The following IMMP2L variants were observed in gnomAD, a reference collection of about 807,000 sequenced individuals.
IMMP2L encodes the protein mitochondrial inner membrane protease subunit 2.
In IMMP2L, 18 loss-of-function variants were observed where a neutral mutation model predicts 19.3. That is an observed-to-expected ratio of 0.93 (90% CI 0.64 to 1.38). The LOEUF is 1.38. Ranked by LOEUF, IMMP2L falls within the 40% of genes most tolerant of loss-of-function variation. The probability of loss-of-function intolerance (pLI) is 0.00; values close to 1 mark genes in which losing one functional copy is unlikely to be tolerated. For synonymous variants in IMMP2L, 76 were observed against 73.0 expected (o/e 1.04, Z -0.21); for missense variants, 233 against 218.2 (o/e 1.07, Z -0.43).
rs764529178 is a variant in IMMP2L at position 111,367,478 on chromosome 7, G to GT, written c.239+119759_239+119760insA. Among the ~76,000 whole-genome samples, 76 of 135,504 alleles carry GT rather than the reference G, an allele frequency of 5.6e-4. 1 individual carries two copies. The highest frequency in any genetic ancestry group is 8.0e-4 in the Non-Finnish European group (52 of 64,986). The allele number at this position is 135,504 out of a possible 152,430, so 88.9% of individuals were successfully genotyped here. ...AGTACTTGTTTCTCTCAGCAAAAAG[G>GT]CTTTTTTTTTTTAACACAACATGTA... On this transcript the variant is annotated intron_variant, in intron 3 of 5. Transcript: ENST00000405709.
chr7:110,977,113 G>A (rs1820774000), intron 3 of IMMP2L, among the ~76,000 whole-genome samples: 1 of 151,834 alleles, frequency 6.6e-6, no homozygotes, highest in Non-Finnish European at 1.5e-5. Flanking sequence ...TGGTGTTAGG[G>A]TACAGAAGAA....
chr7:111,254,823 G>A (rs1412320825), intron 3 of IMMP2L, among the ~76,000 whole-genome samples: 1 of 151,976 alleles, frequency 6.6e-6, no homozygotes, highest in Non-Finnish European at 1.5e-5. Flanking sequence ...TGAAAACAAA[G>A]CCACATATAA....
chr7:110,819,020 T>G (rs2131321081), intron 5 of IMMP2L, among the ~76,000 whole-genome samples: 1 of 150,966 alleles, frequency 6.6e-6, no homozygotes, highest in Non-Finnish European at 1.5e-5. Context: ...AATGACGACT[T>G]AATATGTGCA....
At chr7:111,088,387 T>G (rs1163306688) in intron 3 of IMMP2L, among the ~76,000 whole-genome samples, 1 of 152,172 alleles carries the variant, frequency 6.6e-6, no homozygotes, top group East Asian at 1.9e-4. Flanking sequence ...TACAACCATG[T>G]AATACTGTGG....
At chr7:110,908,453 T>A (rs2129548078) in intron 4 of IMMP2L, among the ~76,000 whole-genome samples, 1 of 152,304 alleles carries the variant, frequency 6.6e-6, no homozygotes, top group Middle Eastern at 3.4e-3. Flanking sequence ...AGGCTCCCTG[T>A]ATTGAAATGA....
intron 3 of IMMP2L, among the ~76,000 whole-genome samples, chr7:111,175,842 C>A (rs1049174599): frequency 1.3e-5 from 2 of 151,798 alleles, no homozygotes; most frequent in African/African-American, 4.8e-5. Flanking sequence ...GAACAGACAT[C>A]CCACAGGATG....
intron 1 of IMMP2L, among the ~76,000 whole-genome samples, chr7:111,525,458 C>A (rs139627404): frequency 5.2e-4 from 79 of 152,166 alleles, no homozygotes; most frequent in Non-Finnish European, 9.4e-4. Flanking sequence ...GGTGAATGAT[C>A]CTATCTGCAT....
In IMMP2L at chr7:110,663,347, T is replaced by C. The variant is rs1791205128; in HGVS notation, c.*255A>G. On this transcript the variant is annotated 3_prime_UTR_variant, in exon 6 of 6. Coordinates refer to ENST00000405709, the MANE Select transcript of IMMP2L (RefSeq NM_032549.4). ...AAGACATGTGGGTGCAATATTTTTATATTCCCAAAGGTCTGCATATTTTGG... is the reference window on the plus strand; with the variant it reads ...AAGACATGTGGGTGCAATATTTTTACATTCCCAAAGGTCTGCATATTTTGG... The C allele has an allele frequency of 3.3e-6, 1 of 305,758 alleles. No individual in the cohort carries two copies. The highest frequency in any genetic ancestry group is 5.1e-5 in the South Asian group (1 of 19,500). The allele number at this position is 305,758 out of a possible 1,614,324, so 18.9% of individuals were successfully genotyped here. A position where few individuals can be genotyped will look rare whatever the true frequency, so the allele number is the denominator to read the frequency against.
At chr7:110,908,653 T>C (rs894327122) in intron 4 of IMMP2L, among the ~76,000 whole-genome samples, 3 of 152,234 alleles carry the variant, frequency 2.0e-5, no homozygotes, top group Admixed American at 6.5e-5. Flanking sequence ...AACAGATAAC[T>C]ATATTTATGC....
At chr7:111,145,670 C>T (rs1160559376) in intron 3 of IMMP2L, among the ~76,000 whole-genome samples, 1 of 152,006 alleles carries the variant, frequency 6.6e-6, no homozygotes, top group East Asian at 1.9e-4. Context: ...AACTGAGCAT[C>T]GCGTCAGGGT....
At chr7:111,406,848 G>T (rs1833940701) in intron 3 of IMMP2L, among the ~76,000 whole-genome samples, 1 of 152,018 alleles carries the variant, frequency 6.6e-6, no homozygotes, top group Admixed American at 6.6e-5. Context: ...AACAACATCT[G>T]AAAGGGAGTG....
chr7:111,117,567 A>T (rs2129586246), intron 3 of IMMP2L, among the ~76,000 whole-genome samples: 1 of 152,220 alleles, frequency 6.6e-6, no homozygotes, highest in Middle Eastern at 3.4e-3. Flanking sequence ...ATTTGTTTTG[A>T]AAAACTGGAA....
intron 3 of IMMP2L, among the ~76,000 whole-genome samples, chr7:111,013,878 C>A (rs780099838): frequency 6.6e-6 from 1 of 151,522 alleles, no homozygotes; most frequent in Non-Finnish European, 1.5e-5. Context: ...ATATAGCTTT[C>A]ATCTTACCAA....
chr7:111,042,126 A>G (rs1791956507), intron 3 of IMMP2L, among the ~76,000 whole-genome samples: 2 of 152,168 alleles, frequency 1.3e-5, no homozygotes, highest in Admixed American at 6.6e-5. Context: ...TTATGCACAT[A>G]TTTGTAAAGT....
intron 3 of IMMP2L, among the ~76,000 whole-genome samples, chr7:111,016,943 CAT>C (rs1172161607): frequency 9.6e-6 from 1 of 103,690 alleles, no homozygotes; most frequent in Non-Finnish European, 1.8e-5. Flanking sequence ...ATATATATTA[CAT>C]ATATGATATA....
At chr7:111,214,328 CTTCTTTTTTTTTTT>C (rs1811664131) in intron 3 of IMMP2L, among the ~76,000 whole-genome samples, 1 of 85,110 alleles carries the variant, frequency 1.2e-5, no homozygotes, top group Non-Finnish European at 2.3e-5. Context: ...AGTAATTTTT[CTTCTTTTTTTTTTT>C]TTTTTTTTTT....
rs768485366 is a variant in IMMP2L, at chr7:110,877,807, T to C, written c.408+8786A>G. 3.9e-5 allele frequency among the ~76,000 whole-genome samples: 6 copies of C among 152,098 alleles called. No homozygotes were observed. Among genetic ancestry groups the C allele is most frequent in the Non-Finnish European group, 7.4e-5 (5 of 68,012 alleles). ...TCTGGCATTCAGCACTAGCAAAGTG[T>C]GACATTCTAACTCTGATTATTCACC... On this transcript the variant is annotated intron_variant, in intron 5 of 5. Coordinates refer to ENST00000405709, the MANE Select transcript of IMMP2L (RefSeq NM_032549.4). The surrounding 1 kb of genome is among the most constrained non-coding windows in gnomAD (Gnocchi z 4.0).
intron 3 of IMMP2L, among the ~76,000 whole-genome samples, chr7:111,204,394 T>C (rs1200465794): frequency 6.6e-6 from 1 of 152,126 alleles, no homozygotes; most frequent in Non-Finnish European, 1.5e-5. Context: ...TCATCACCTC[T>C]GCAAGACAAC....
chr7:111,353,451 T>C (rs1043910373), intron 3 of IMMP2L, among the ~76,000 whole-genome samples: 2 of 152,180 alleles, frequency 1.3e-5, no homozygotes, highest in Non-Finnish European at 2.9e-5. Flanking sequence ...AATAAATTTA[T>C]GCACTGATAT....
Sources: gnomAD v4.1 joint callset for allele counts (sites outside exome capture counted in the v4.1 genomes callset) on GRCh38, gnomAD v4.1.1 for gene constraint, Gnocchi (gnomAD v3.1) non-coding constraint, MANE v1.5 for transcripts, NCBI Gene and HGNC (gene_info 2026-07-23, HGNC 2026-07-21) for gene names.